The following NEURL1 variants were observed in gnomAD, a reference collection of about 807,000 sequenced individuals.
NEURL1 encodes the protein neuralized E3 ubiquitin protein ligase 1, also known as E3 ubiquitin-protein ligase NEURL1.
NEURL1 carries 26 observed loss-of-function variants against 41.2 expected under a neutral mutation model. The observed-to-expected ratio is 0.63, with a 90% confidence interval of 0.46 to 0.87. NEURL1 has a LOEUF of 0.87. Among genes scored for constraint, NEURL1 ranks in the 40% least tolerant of loss-of-function variants. NEURL1 has a pLI of 0.00. For synonymous variants in NEURL1, 400 were observed against 402.3 expected (o/e 0.99, Z 0.07); for missense variants, 761 against 871.1 (o/e 0.87, Z 1.59).
At chr10:103,584,469 A>C in intron 3 of NEURL1, 67 bp from the exon 4 acceptor site, 1 of 1,099,528 alleles carries the variant, frequency 9.1e-7, no homozygotes, top group Non-Finnish European at 1.2e-6. Flanking sequence ...TAGGGACCGG[A>C]CAGCGGGGCG....
At chr10:103,588,868 C>A in intron 4 of NEURL1, 1 of 443,758 alleles carries the variant, frequency 2.3e-6, no homozygotes, top group Admixed American at 2.5e-5. Flanking sequence ...ATCTCTTGAA[C>A]CTGGGATGTG....
At chr10:103,581,866 T>C (rs1431730958) in intron 3 of NEURL1, among the ~76,000 whole-genome samples, 2 of 152,104 alleles carry the variant, frequency 1.3e-5, no homozygotes, top group Non-Finnish European at 2.9e-5. Flanking sequence ...GTGGGTTAAA[T>C]ACAGGGAGGT....
At chr10:103,571,361 A>C in intron 2 of NEURL1, 140 bp from the exon 3 acceptor site, 1 of 1,010,198 alleles carries the variant, frequency 9.9e-7, no homozygotes, top group East Asian at 2.6e-5. Context: ...CCCAGCAGGG[A>C]GGGCTCCTGG....
chr10:103,557,408 G>A (rs1246729800), intron 1 of NEURL1, among the ~76,000 whole-genome samples: 1 of 152,148 alleles, frequency 6.6e-6, no homozygotes, highest in Non-Finnish European at 1.5e-5. Context: ...TTTCCCTGGG[G>A]GCAGGAGGAT....
chr10:103,546,802 A>G (rs1416153577), intron 1 of NEURL1, among the ~76,000 whole-genome samples: 1 of 152,196 alleles, frequency 6.6e-6, no homozygotes, highest in Non-Finnish European at 1.5e-5. Context: ...CCTTCAGGGG[A>G]GCCAGGTCAG....
chr10:103,562,331 C>A (rs1221934260), intron 1 of NEURL1, among the ~76,000 whole-genome samples: 2 of 152,168 alleles, frequency 1.3e-5, no homozygotes, highest in Admixed American at 1.3e-4. Flanking sequence ...TGCAGTGAGC[C>A]AAGATCACGC....
intron 1 of NEURL1, among the ~76,000 whole-genome samples, chr10:103,534,462 G>A (rs1392099000): frequency 6.6e-6 from 1 of 152,168 alleles, no homozygotes; most frequent in Non-Finnish European, 1.5e-5. Context: ...TGGAAAGAGT[G>A]TGATGACTCT....
At chr10:103,581,723 A>G (rs2035786791) in intron 3 of NEURL1, among the ~76,000 whole-genome samples, 1 of 152,126 alleles carries the variant, frequency 6.6e-6, no homozygotes, top group South Asian at 2.1e-4. Context: ...CTATGCCTTG[A>G]GCTGGTTGGT....
intron 1 of NEURL1, among the ~76,000 whole-genome samples, chr10:103,555,940 T>C (rs2035144702): frequency 6.6e-6 from 1 of 151,528 alleles, no homozygotes. Flanking sequence ...TGAGTGTGCA[T>C]GTGTGTCTGT....
At chr10:103,506,775 G>A (rs1222183149) in intron 1 of NEURL1, among the ~76,000 whole-genome samples, 1 of 152,190 alleles carries the variant, frequency 6.6e-6, no homozygotes, top group African/African-American at 2.4e-5. Flanking sequence ...GGCCAGGCTG[G>A]TCTTGAACTC....
intron 1 of NEURL1, among the ~76,000 whole-genome samples, chr10:103,533,697 C>G (rs538644229): frequency 6.6e-6 from 1 of 152,146 alleles, no homozygotes; most frequent in Non-Finnish European, 1.5e-5. Flanking sequence ...CCATCACACC[C>G]GGCTAATTTT....
intron 1 of NEURL1, among the ~76,000 whole-genome samples, chr10:103,528,601 T>G (rs539036064): frequency 6.6e-6 from 1 of 152,026 alleles, no homozygotes; most frequent in South Asian, 2.1e-4. Flanking sequence ...TAACTCTGAC[T>G]TCTGACAAAA....
At chr10:103,574,365 A>G (rs2035613536) in intron 3 of NEURL1, among the ~76,000 whole-genome samples, 1 of 149,808 alleles carries the variant, frequency 6.7e-6, no homozygotes, top group Non-Finnish European at 1.5e-5. Context: ...ACCCCTCTGA[A>G]GCAGGCCCCA....
chr10:103,551,297 ATTTTTTT>A (rs528332099), intron 1 of NEURL1, among the ~76,000 whole-genome samples: 44 of 118,724 alleles, frequency 3.7e-4, no homozygotes, highest in Non-Finnish European at 5.8e-4. Context: ...GGTCAAATGA[ATTTTTTT>A]TTTTTTTTTT....
intron 2 of NEURL1, 88 bp downstream of exon 2, chr10:103,571,201 CG>C: frequency 7.3e-7 from 1 of 1,366,390 alleles, no homozygotes; most frequent in Non-Finnish European, 1.0e-6. Context: ...GCCCCTCAGC[CG>C]CTGCCTGCTG....
At chr10:103,524,631 A>C (rs1386727105) in intron 1 of NEURL1, among the ~76,000 whole-genome samples, 3 of 152,174 alleles carry the variant, frequency 2.0e-5, no homozygotes, top group Admixed American at 6.5e-5. Context: ...ATATGGTGAG[A>C]GATACGGCTC....
chr10:103,519,664 C>T (rs1196655572), intron 1 of NEURL1, among the ~76,000 whole-genome samples: 1 of 152,210 alleles, frequency 6.6e-6, no homozygotes, highest in Non-Finnish European at 1.5e-5. Flanking sequence ...TGCCAAATCT[C>T]CCTTGAGCCT....
chr10:103,496,963 T>TG (rs1353787906), intron 1 of NEURL1, among the ~76,000 whole-genome samples: 4 of 151,806 alleles, frequency 2.6e-5, no homozygotes, highest in African/African-American at 9.7e-5. Flanking sequence ...AAGGCAGGAG[T>TG]GGGGGCCCCA....
chr10:103,568,727 T>C (rs1459429398), intron 1 of NEURL1, among the ~76,000 whole-genome samples: 2 of 152,170 alleles, frequency 1.3e-5, no homozygotes, highest in African/African-American at 4.8e-5. Flanking sequence ...AAATGTCACC[T>C]TGTGCTCCTT....
Sources: allele counts gnomAD v4.1 joint callset (sites outside exome capture counted in the v4.1 genomes callset), GRCh38; gene constraint gnomAD v4.1.1; transcripts MANE v1.5; gene names NCBI Gene and HGNC (gene_info 2026-07-23, HGNC 2026-07-21).